Variants in C5AR1 observed in about 807,000 individuals in gnomAD.
The protein encoded by C5AR1 is complement C5a receptor 1.
A neutral mutation model predicts 2.4 loss-of-function variants in C5AR1; 4 were observed. The ratio of observed to expected loss-of-function variants is 1.65; its 90% CI spans 0.81 to 3.77. The LOEUF (loss-of-function observed/expected upper bound fraction) is 3.77, where lower values mean the gene tolerates loss of function less well. C5AR1 is among the 30% of genes most tolerant of loss of function. C5AR1 has a pLI of 0.01. For missense variants in C5AR1, 418 were observed against 462.5 expected, an observed-to-expected ratio of 0.90 and a Z score of 0.88; for synonymous variants, 209 against 210.4, an observed-to-expected ratio of 0.99 and a Z score of 0.06.
At chr19:47,319,188 G>T (rs1290720213) in intron 1 of C5AR1, among the ~76,000 whole-genome samples, 1 of 151,198 alleles carries the variant, frequency 6.6e-6, no homozygotes, top group African/African-American at 2.4e-5. Flanking sequence ...CGGCCAGTAG[G>T]GCTAGACTTT....
intron 1 of C5AR1, among the ~76,000 whole-genome samples, chr19:47,319,027 A>G (rs2059299139): frequency 6.6e-6 from 1 of 151,248 alleles, no homozygotes; most frequent in South Asian, 2.1e-4. Flanking sequence ...CTGGGATTAC[A>G]GGCGCCCACT....
At chr19:47,311,378 C>T (rs1324151310) in intron 1 of C5AR1, among the ~76,000 whole-genome samples, 2 of 151,816 alleles carry the variant, frequency 1.3e-5, no homozygotes, top group Non-Finnish European at 2.9e-5. Context: ...GGCATATAAG[C>T]GGGCGCCTGT....
At chr19:47,316,001 G>A (rs911303318) in intron 1 of C5AR1, among the ~76,000 whole-genome samples, 2 of 86,670 alleles carry the variant, frequency 2.3e-5, no homozygotes, top group African/African-American at 4.9e-5. Context: ...CCATCCATCC[G>A]TTATCTAGCT....
upstream of C5AR1, chr19:47,307,668 G>A (rs1046178978): frequency 6.6e-6 from 1 of 152,076 alleles, no homozygotes; most frequent in African/African-American, 2.4e-5. Flanking sequence ...CCCGCAGTTT[G>A]TGCTAATTGG....
Position 47,317,519 on chromosome 19 carries a change from A to AATATAT in C5AR1, c.4-2250_4-2245dup, listed in dbSNP as rs35436641. On this transcript the variant is annotated intron_variant, in intron 1 of 1. Coordinates refer to ENST00000355085, the MANE Select transcript of C5AR1 (RefSeq NM_001736.4). ...TGAGACTCAGTCTCAAAAAAAAAAA[A>AATATAT]ATATATATATATATATAGTGGTTCA... Among the ~76,000 whole-genome samples the AATATAT allele has an allele frequency of 6.7e-5, 9 of 133,396 alleles. No homozygotes were observed. In the East Asian group the frequency reaches 1.5e-3, roughly 22 times the overall value. The allele number at this position is 133,396 out of a possible 152,430, so 87.5% of individuals were successfully genotyped here.
rs536711597 is a variant in C5AR1 at position 47,319,990 on chromosome 19, T to A, written c.213T>A (p.Asn71Lys). ...CATTCGAGGCCAAGCGGACCATCAA[T>A]GCCATCTGGTTCCTCAACTTGGCGG... ...VTAFEAKRTI[N>K]AIWFLNLAVA... The change falls in exon 2 of 2, where the codon AAT (asparagine) becomes AAA (lysine). Residue 71 changes from asparagine to lysine, a missense_variant. Transcript: ENST00000355085. The A allele has an allele frequency of 6.2e-7, 1 of 1,614,236 alleles. No homozygotes were observed. The highest frequency in any genetic ancestry group is 1.3e-5 in the African/African-American group (1 of 75,060).
rs538259885 is a variant in C5AR1, at chr19:47,310,798, G to A, written c.3+900G>A. ...TGGCATGAGGCCATTATGCCTGGTC[G>A]TTTGAGATGTTCTGCATGACAGAGA... On this transcript the variant is annotated intron_variant, in intron 1 of 1. Transcript: ENST00000355085. Among the ~76,000 whole-genome samples the A allele has an allele frequency of 1.9e-4, 29 of 152,324 alleles. No individual in the cohort carries two copies. In the East Asian group the frequency reaches 3.1e-3, roughly 16 times the overall value.
upstream of C5AR1, among the ~76,000 whole-genome samples, chr19:47,309,431 C>CG (rs1419685183): frequency 6.6e-6 from 1 of 151,794 alleles, no homozygotes; most frequent in Non-Finnish European, 1.5e-5. Context: ...AAAAATTAGC[C>CG]GGGGGTGGTG....
intron 1 of C5AR1, among the ~76,000 whole-genome samples, chr19:47,311,490 A>G (rs1205013757): frequency 2.0e-5 from 3 of 151,344 alleles, no homozygotes; most frequent in African/African-American, 7.3e-5. Context: ...GCCTGGCAAC[A>G]GGGCCATCTC....
Position 47,320,270 on chromosome 19 carries a change from C to G in C5AR1, c.493C>G (p.Leu165Val), listed in dbSNP as rs1418630131. The G allele has an allele frequency of 1.9e-6, 3 of 1,613,418 alleles. No homozygotes were observed. The Admixed American group carries it at 5.0e-5, about 27-fold the overall frequency. Reference sequence around the variant, plus strand: ...CTGTGCCGTGGCTTGGGGTTTAGCCCTGCTGCTGACCATACCCTCCTTCCT... The same window carrying G: ...CTGTGCCGTGGCTTGGGGTTTAGCCGTGCTGCTGACCATACCCTCCTTCCT... Reference protein sequence around the residue: ...IACAVAWGLALLLTIPSFLYR... With the variant: ...IACAVAWGLAVLLTIPSFLYR... Residue 165 changes from leucine (L) to valine (V), a missense_variant, in exon 2 of 2, where the codon CTG (leucine) becomes GTG (valine). Coordinates refer to ENST00000355085, the MANE Select transcript of C5AR1 (RefSeq NM_001736.4). This position sits in a 1 kb window ranked among gnomAD's most constrained non-coding sequence, Gnocchi z 4.9.
chr19:47,314,707 T>G (rs1177721023), intron 1 of C5AR1, among the ~76,000 whole-genome samples: 3 of 151,594 alleles, frequency 2.0e-5, no homozygotes, highest in African/African-American at 7.3e-5. Flanking sequence ...CTATTTTATT[T>G]TTTAGAGATG....
chr19:47,320,583 AGCCATC>A lies in C5AR1; in HGVS notation c.808_813del (p.Pro270_Ser271del), dbSNP rs1327217819. On this transcript the variant is annotated inframe_deletion, in exon 2 of 2. Coordinates refer to ENST00000355085, the MANE Select transcript of C5AR1 (RefSeq NM_001736.4). The surrounding 1 kb of genome is among the most constrained non-coding windows in gnomAD (Gnocchi z 4.9). ...ACGGGGATAATGATGTCCTTCCTGG[AGCCATC>A]GTCACCCACCTTCCTGCTGCTGAAG... The A allele has an allele frequency of 1.9e-6, 3 of 1,613,784 alleles. No individual in the cohort carries two copies. Among genetic ancestry groups the A allele is most frequent in the Non-Finnish European group, 2.5e-6 (3 of 1,179,952 alleles).
chr19:47,313,412 C>G (rs962241699), intron 1 of C5AR1, among the ~76,000 whole-genome samples: 1 of 152,036 alleles, frequency 6.6e-6, no homozygotes, highest in African/African-American at 2.4e-5. Context: ...TGCATGCCCC[C>G]CCACTCCCAA....
intron 1 of C5AR1, among the ~76,000 whole-genome samples, chr19:47,314,057 T>C (rs914380373): frequency 6.6e-6 from 1 of 152,168 alleles, no homozygotes; most frequent in Non-Finnish European, 1.5e-5. Context: ...AGCACCCTTG[T>C]CTAAGCCACC....
intron 1 of C5AR1, among the ~76,000 whole-genome samples, chr19:47,317,204 A>G (rs1216806796): frequency 5.3e-5 from 8 of 150,712 alleles, no homozygotes; most frequent in Non-Finnish European, 1.2e-4. Context: ...AAAAAAAAAA[A>G]AAAAAAAAAA....
chr19:47,319,687 C>T, intron 1 of C5AR1, 94 bp from the exon 2 acceptor site: 1 of 781,636 alleles, frequency 1.3e-6, no homozygotes, highest in Non-Finnish European at 2.1e-6. Flanking sequence ...GAAAAAGCCA[C>T]ACAGGGGAAA....
At chr19:47,315,960 T>G (rs1309731917) in intron 1 of C5AR1, among the ~76,000 whole-genome samples, 1 of 151,830 alleles carries the variant, frequency 6.6e-6, no homozygotes, top group Non-Finnish European at 1.5e-5. Context: ...TCCATCCATC[T>G]GTCCATCGAT....
At chr19:47,309,775 A>G, upstream of C5AR1, 1 of 1,100,630 alleles carries the variant, frequency 9.1e-7, no homozygotes, top group Non-Finnish European at 1.3e-6. Flanking sequence ...TGTGCAGACC[A>G]ATGAGAGCCC....
At chr19:47,310,957 T>C (rs1568658795) in intron 1 of C5AR1, among the ~76,000 whole-genome samples, 1 of 152,160 alleles carries the variant, frequency 6.6e-6, no homozygotes, top group Non-Finnish European at 1.5e-5. Context: ...GTCCCTGTCA[T>C]CCCTGCGTCT....
Sources: gnomAD v4.1 joint callset for allele counts (sites outside exome capture counted in the v4.1 genomes callset) on GRCh38, gnomAD v4.1.1 for gene constraint, Gnocchi (gnomAD v3.1) non-coding constraint, MANE v1.5 for transcripts, NCBI Gene and HGNC (gene_info 2026-07-23, HGNC 2026-07-21) for gene names.